Variants in CUL4B observed in about 807,000 individuals in gnomAD.
CUL4B encodes cullin 4B.
A neutral mutation model predicts 69.2 loss-of-function variants in CUL4B; 1 was observed. The ratio of observed to expected loss-of-function variants is 0.01; its 90% CI spans 0.01 to 0.07. The LOEUF (loss-of-function observed/expected upper bound fraction) is 0.07. Among genes scored for constraint, CUL4B ranks in the 10% least tolerant of loss-of-function variants. The probability of loss-of-function intolerance (pLI) is 1.00; values close to 1 mark genes in which losing one functional copy is unlikely to be tolerated. For missense variants in CUL4B, 328 were observed against 638.8 expected (o/e 0.51, Z 5.24); for synonymous variants, 237 against 223.2 (o/e 1.06, Z -0.55).
At chrX:120,549,543 G>A (rs915673286) in intron 2 of CUL4B, among the ~76,000 whole-genome samples, 19 of 111,278 alleles carry the variant, frequency 1.7e-4, no homozygotes, top group Non-Finnish European at 2.6e-4. Context: ...ACTCTGTCTC[G>A]AGAAGAGAAG....
At chrX:120,541,483 G>A (rs1923989178) in intron 10 of CUL4B, 119 bp downstream of exon 10, 2 of 552,951 alleles carry the variant, frequency 3.6e-6, no homozygotes, top group African/African-American at 4.7e-5. Flanking sequence ...TGGGTGACGA[G>A]AGCAAAACTC....
At position 120,560,148 on chromosome X, in the gene CUL4B, G is replaced by T; in HGVS notation, c.491C>A (p.Thr164Asn). ...TTTGCTGTTAGCAAAGCTAGAGACG[G>T]TGGTAGAAGATTTGGCTAGGCCGTT... ...HANGLAKSST[T>N]VSSFANSKPG... The change falls in exon 1 of 20, where the codon ACC (threonine) becomes AAC (asparagine). Residue 164 changes from threonine to asparagine, a missense_variant. Thr to Asn is a moderately conservative substitution (Grantham distance 65). This residue lies in a region of CUL4B where 102 missense variants were observed against 122.1 expected (regional missense o/e 0.84). Coordinates refer to ENST00000371322, the MANE Select transcript of CUL4B (RefSeq NM_001079872.2). 8.3e-7 allele frequency: 1 copy of T among 1,212,023 alleles called. No homozygotes were observed. Among genetic ancestry groups the T allele is most frequent in the Non-Finnish European group, 1.1e-6 (1 of 895,541 alleles).
intron 17 of CUL4B, 99 bp downstream of exon 17, chrX:120,534,382 A>G: frequency 1.6e-6 from 1 of 636,422 alleles, no homozygotes; most frequent in Non-Finnish European, 2.6e-6. Flanking sequence ...AAAAAACTCA[A>G]AACAGTTCTG....
At chrX:120,535,499 C>T (rs1460871465) in intron 16 of CUL4B, among the ~76,000 whole-genome samples, 1 of 109,372 alleles carries the variant, frequency 9.1e-6, no homozygotes, top group East Asian at 2.9e-4. Context: ...GGTCAAGAGA[C>T]AGAGACCATC....
upstream of CUL4B, chrX:120,561,116 G>A (rs1925276166): frequency 9.7e-7 from 1 of 1,033,546 alleles, no homozygotes; most frequent in Admixed American, 4.5e-5. Context: ...CGGCGCCGAG[G>A]GAGGGGCGGT....
intron 17 of CUL4B, 114 bp downstream of exon 17, chrX:120,534,367 G>GA (rs990228511): frequency 0.016 from 7,008 of 435,751 alleles, no homozygotes; most frequent in Non-Finnish European, 0.019. Flanking sequence ...TAAAAAAAAA[G>GA]AAAAAAAAAA....
intron 12 of CUL4B, 58 bp downstream of exon 12, chrX:120,539,210 G>C: frequency 1.6e-6 from 1 of 633,039 alleles, no homozygotes. Flanking sequence ...ATACTTGCTA[G>C]CTTCTCTGTT....
intron 2 of CUL4B, among the ~76,000 whole-genome samples, chrX:120,554,217 G>C (rs1030599492): frequency 8.9e-6 from 1 of 111,808 alleles, no homozygotes; most frequent in Non-Finnish European, 1.9e-5. Flanking sequence ...TTTCATTTAC[G>C]TCTAAAAAAC....
At position 120,536,960 on chromosome X, in the gene CUL4B, T is replaced by G. The variant is rs997307868; in HGVS notation, c.2013A>C (p.Thr671=). Residue 671 remains threonine, a synonymous_variant, in exon 15 of 20, where the codon ACA becomes ACC. Transcript: ENST00000371322. ...GTAAATGAACTTCCATAGGCACATA[T>G]GTCGGCCAATAGCCCATTGTCAGGA... ...VNILTMGYWP[T]YVPMEVHLPP... The G allele has an allele frequency of 1.7e-6, 2 of 1,206,071 alleles. No homozygotes were observed. The highest frequency in any genetic ancestry group is 3.5e-5 in the African/African-American group (2 of 57,189).
At chrX:120,561,067 T>C, upstream of CUL4B, 1 of 985,621 alleles carries the variant, frequency 1.0e-6, no homozygotes, top group Non-Finnish European at 1.3e-6. Context: ...TTATTGTCAA[T>C]AGCACAAGAG....
Position 120,536,974 on chromosome X carries a change from C to T in CUL4B, c.1999G>A (p.Gly667Ser). The change falls in exon 15 of 20, where the codon GGC (glycine) becomes AGC (serine). Residue 667 changes from glycine (G) to serine (S), a missense_variant. Transcript: ENST00000371322. Reference sequence around the variant, plus strand: ...ATAGGCACATATGTCGGCCAATAGCCCATTGTCAGGATATTCACAGTTAAC... The same window carrying T: ...ATAGGCACATATGTCGGCCAATAGCTCATTGTCAGGATATTCACAGTTAAC... ...IELTVNILTM[G>S]YWPTYVPMEV... The T allele has an allele frequency of 8.3e-7, 1 of 1,208,500 alleles. No homozygotes were observed. The highest frequency in any genetic ancestry group is 1.1e-6 in the Non-Finnish European group (1 of 892,792).
intron 2 of CUL4B, 51 bp from the exon 3 acceptor site, chrX:120,547,290 A>G (rs904616591): frequency 1.3e-5 from 9 of 715,966 alleles, no homozygotes; most frequent in Non-Finnish European, 2.0e-5. Flanking sequence ...TTTCTCAACT[A>G]TTTACATCAG....
chrX:120,530,714 C>T (rs1039566147), intron 18 of CUL4B, among the ~76,000 whole-genome samples: 3 of 111,818 alleles, frequency 2.7e-5, no homozygotes, highest in Non-Finnish European at 5.6e-5. Context: ...TAAGAGTCAA[C>T]CTCTTTGAAA....
chrX:120,571,738 C>T (rs1031096930), exon 3 of CUL4B: 3 of 110,861 alleles, frequency 2.7e-5, no homozygotes, highest in Non-Finnish European at 1.9e-5. Context: ...CATTTATACA[C>T]ATATTTTTTC....
chrX:120,530,300 C>T, intron 18 of CUL4B, 46 bp from the exon 19 acceptor site: 2 of 1,141,309 alleles, frequency 1.8e-6, no homozygotes, highest in Non-Finnish European at 2.4e-6. Flanking sequence ...GAAGCAAAAC[C>T]TGACTATTTA....
intron 4 of CUL4B, among the ~76,000 whole-genome samples, 187 bp downstream of exon 4, chrX:120,546,360 C>A (rs1417068518): frequency 9.2e-6 from 1 of 108,593 alleles, no homozygotes; most frequent in Admixed American, 9.9e-5. Context: ...GTCACCTGTA[C>A]CCCAATAACT....
chrX:120,529,989 TTTCTC>T, intron 19 of CUL4B, 108 bp downstream of exon 19: 2 of 825,800 alleles, frequency 2.4e-6, no homozygotes, highest in Non-Finnish European at 3.4e-6. Flanking sequence ...AATTAAAACT[TTTCTC>T]TCTCTAAATG....
Position 120,525,574 on chromosome X carries a change from C to T in CUL4B, c.*1187G>A, listed in dbSNP as rs1430985495. The T allele has an allele frequency of 2.7e-5, 3 of 111,420 alleles. No individual in the cohort carries two copies. Among genetic ancestry groups the T allele is most frequent in the Non-Finnish European group, 5.7e-5 (3 of 53,052 alleles). The allele number at this position is 111,420 out of a possible 1,213,427, so 9.2% of individuals were successfully genotyped here. A position where few individuals can be genotyped will look rare whatever the true frequency, so the allele number is the denominator to read the frequency against. ...TAGGTGTCCAGTGGCTAAGAGAACT[C>T]GATTTCAAGCAATTCTGAAAGGAAA... On this transcript the variant is annotated 3_prime_UTR_variant, in exon 20 of 20. Transcript: ENST00000371322.
intron 2 of CUL4B, among the ~76,000 whole-genome samples, chrX:120,554,561 G>C (rs1006286780): frequency 2.7e-5 from 3 of 112,289 alleles, no homozygotes; most frequent in African/African-American, 6.5e-5. Context: ...AGTGTACTTA[G>C]AACAGCATGT....
Sources: allele counts gnomAD v4.1 joint callset (sites outside exome capture counted in the v4.1 genomes callset), GRCh38; gene constraint gnomAD v4.1.1; regional missense constraint gnomAD v4.1.1; transcripts MANE v1.5; gene names NCBI Gene and HGNC (gene_info 2026-07-23, HGNC 2026-07-21).